PLEKHA1: variants seen among roughly 807,000 people sequenced by gnomAD.
The protein encoded by PLEKHA1 is pleckstrin homology domain-containing family A member 1.
A neutral mutation model predicts 52.0 loss-of-function variants in PLEKHA1; 34 were observed. The ratio of observed to expected loss-of-function variants is 0.65; its 90% confidence interval spans 0.50 to 0.87. The LOEUF is 0.87. PLEKHA1 is among the 40% of genes least tolerant of loss of function. The pLI, the probability that PLEKHA1 is intolerant of heterozygous loss-of-function variation, is 0.00. For missense variants in PLEKHA1, 497 were observed against 504.2 expected, an observed-to-expected ratio of 0.99 and a Z score of 0.14; for synonymous variants, 163 against 170.7, an observed-to-expected ratio of 0.95 and a Z score of 0.35.
intron 4 of PLEKHA1, among the ~76,000 whole-genome samples, chr10:122,402,160 T>TA: frequency 6.6e-6 from 1 of 152,304 alleles, no homozygotes; most frequent in South Asian, 2.1e-4. Flanking sequence ...ATCTCAAACT[T>TA]ACAGGAATAG....
Position 122,430,181 on chromosome 10 carries a change from G to T in PLEKHA1, c.*243G>T. Reference sequence around the variant, plus strand: ...CTCAGTATCATCTGTCTGAAGCATTGTGTGTTCTCATTCGGGTGGTAACAA... The same window carrying T: ...CTCAGTATCATCTGTCTGAAGCATTTTGTGTTCTCATTCGGGTGGTAACAA... On this transcript the variant is annotated 3_prime_UTR_variant, in exon 12 of 12. Transcript: ENST00000368990. The T allele has an allele frequency of 2.5e-6, 1 of 402,674 alleles. No homozygotes were observed. The highest frequency in any genetic ancestry group is 4.4e-6 in the Non-Finnish European group (1 of 229,796). 24.9% of individuals were successfully genotyped at this position (402,674 alleles called of 1,614,324 possible).
At chr10:122,421,934 A>C (rs1462420606) in intron 8 of PLEKHA1, 1 of 148,692 alleles carries the variant, frequency 6.7e-6, no homozygotes, top group Admixed American at 6.9e-5. Flanking sequence ...GACTGATTTC[A>C]GAGCTGGGGC....
intron 5 of PLEKHA1, chr10:122,412,138 C>T (rs1470848574): frequency 1.3e-5 from 2 of 152,064 alleles, no homozygotes; most frequent in Non-Finnish European, 2.9e-5. Flanking sequence ...TTTATGATAC[C>T]TCTGATTCTT....
chr10:122,405,814 A>C (rs1005936945), intron 4 of PLEKHA1, among the ~76,000 whole-genome samples: 2 of 152,082 alleles, frequency 1.3e-5, no homozygotes, highest in Non-Finnish European at 2.9e-5. Flanking sequence ...GGGACTCTGC[A>C]AGGCTGGCAT....
chr10:122,399,786 C>T (rs770615533), intron 3 of PLEKHA1, among the ~76,000 whole-genome samples: 2 of 151,982 alleles, frequency 1.3e-5, no homozygotes, highest in Non-Finnish European at 2.9e-5. Context: ...GGGGTTTCAC[C>T]GTGTTGGCCA....
chr10:122,415,817 A>T, intron 6 of PLEKHA1, 42 bp from the exon 7 acceptor site: 1 of 1,554,486 alleles, frequency 6.4e-7, no homozygotes, highest in Non-Finnish European at 8.8e-7. Flanking sequence ...AAAGTATGCT[A>T]AACAAGCAAG....
chr10:122,391,913 A>T (rs1335129597), intron 1 of PLEKHA1, among the ~76,000 whole-genome samples: 1 of 152,160 alleles, frequency 6.6e-6, no homozygotes. Flanking sequence ...ATGCAGATAC[A>T]TAGTATATCA....
chr10:122,387,103 T>A (rs1194007464), intron 1 of PLEKHA1: 3 of 152,190 alleles, frequency 2.0e-5, no homozygotes, highest in African/African-American at 4.8e-5. Flanking sequence ...TTTATCAATT[T>A]GATCTTTTCA....
chr10:122,379,891 T>C (rs2096591112), intron 1 of PLEKHA1, among the ~76,000 whole-genome samples: 2 of 152,236 alleles, frequency 1.3e-5, no homozygotes, highest in Non-Finnish European at 2.9e-5. Context: ...TTTTTTGGCT[T>C]CCTGGTTCCT....
intron 6 of PLEKHA1, 74 bp downstream of exon 6, chr10:122,413,119 CAG>C: frequency 7.6e-7 from 1 of 1,309,770 alleles, no homozygotes; most frequent in Non-Finnish European, 1.0e-6. Context: ...AAAACTAAAA[CAG>C]TGCATCTTTG....
intron 9 of PLEKHA1, among the ~76,000 whole-genome samples, chr10:122,424,555 T>C (rs891640117): frequency 5.3e-5 from 8 of 152,308 alleles, no homozygotes; most frequent in South Asian, 2.1e-4. Flanking sequence ...GAACAACTTA[T>C]GGTTAGGCCA....
intron 6 of PLEKHA1, 75 bp from the exon 7 acceptor site, chr10:122,415,784 T>C (rs1265481734): frequency 1.1e-5 from 15 of 1,386,344 alleles, no homozygotes; most frequent in South Asian, 4.3e-5. Context: ...TTTTAAGATT[T>C]TCTACTGGGA....
chr10:122,384,563 C>T (rs574097090), intron 1 of PLEKHA1, among the ~76,000 whole-genome samples: 9 of 143,582 alleles, frequency 6.3e-5, no homozygotes, highest in African/African-American at 1.8e-4. Flanking sequence ...GCGCCGAGAT[C>T]GTGCCACTGC....
chr10:122,387,698 G>C (rs927247457), intron 1 of PLEKHA1: 2 of 152,190 alleles, frequency 1.3e-5, no homozygotes, highest in African/African-American at 2.4e-5. Flanking sequence ...CTGAAGGCTT[G>C]ACTGGGCTGG....
At chr10:122,379,510 A>G (rs1590194210) in intron 1 of PLEKHA1, among the ~76,000 whole-genome samples, 1 of 151,078 alleles carries the variant, frequency 6.6e-6, no homozygotes, top group East Asian at 1.9e-4. Context: ...GGCTCCTCTG[A>G]TCTTCATGAG....
chr10:122,427,570 A>G (rs963604686), intron 11 of PLEKHA1, among the ~76,000 whole-genome samples: 12 of 152,184 alleles, frequency 7.9e-5, no homozygotes, highest in Non-Finnish European at 1.6e-4. Flanking sequence ...TTTAATTCTC[A>G]TTTTAAAACC....
At chr10:122,412,706 C>G (rs1253104127) in intron 5 of PLEKHA1, 18 of 527,402 alleles carry the variant, frequency 3.4e-5, no homozygotes, top group Non-Finnish European at 6.6e-6. Context: ...AGTACCTGCC[C>G]GAGTAAGCAC....
Position 122,393,996 on chromosome 10 carries a change from T to C in PLEKHA1, c.141+655T>C, listed in dbSNP as rs11598463. Reference sequence around the variant, plus strand: ...GGGTAAATGCTACAATTTAAAAAATTGGAATCCCAGCCTTAAGAGGCCTGA... The same window carrying C: ...GGGTAAATGCTACAATTTAAAAAATCGGAATCCCAGCCTTAAGAGGCCTGA... On this transcript the variant is annotated intron_variant, in intron 2 of 11. Coordinates refer to ENST00000368990, the MANE Select transcript of PLEKHA1 (RefSeq NM_001001974.4). The surrounding 1 kb of genome is among the most constrained non-coding windows in gnomAD (Gnocchi z 4.5). Among the ~76,000 whole-genome samples, 643 of 151,988 alleles carry C rather than the reference T, an allele frequency of 4.2e-3. 3 individuals carry two copies. The highest frequency in any genetic ancestry group is 5.9e-3 in the Non-Finnish European group (401 of 67,968).
In PLEKHA1 at chr10:122,429,818, A is replaced by T. The variant is rs1011327649; in HGVS notation, c.1095A>T (p.Glu365Asp). The T allele has an allele frequency of 3.7e-6, 6 of 1,614,220 alleles. No individual in the cohort carries two copies. Among genetic ancestry groups the T allele is most frequent in the Non-Finnish European group, 5.1e-6 (6 of 1,180,040 alleles). The change falls in exon 12 of 12, where the codon GAA becomes GAT. Residue 365 changes from glutamate to aspartate, a missense_variant. Coordinates refer to ENST00000368990, the MANE Select transcript of PLEKHA1 (RefSeq NM_001001974.4). The stretch of plus-strand genomic sequence containing the variant: ...AGGTCCAGACTGTCTCTCCAAGAGA[A>T]CCAGCTTCCAAAGTGACTGAACAAG... Reference protein sequence around the residue: ...NFKVQTVSPREPASKVTEQAL... With the variant: ...NFKVQTVSPRDPASKVTEQAL...
Sources: allele counts gnomAD v4.1 joint callset (sites outside exome capture counted in the v4.1 genomes callset), GRCh38; gene constraint gnomAD v4.1.1; non-coding constraint Gnocchi (gnomAD v3.1); transcripts MANE v1.5; gene names NCBI Gene and HGNC (gene_info 2026-07-23, HGNC 2026-07-21).